The following NEGR1 variants were observed in gnomAD, a reference collection of about 807,000 sequenced individuals.
NEGR1 encodes IgLON family member 4.
Under a neutral mutation model 40.9 loss-of-function variants are expected in NEGR1, and 10 were observed. That is an observed-to-expected ratio of 0.24 (90% CI 0.15 to 0.42). NEGR1 has a LOEUF of 0.42. NEGR1 is among the 10% of genes least tolerant of loss of function. The pLI, the probability that NEGR1 is intolerant of heterozygous loss-of-function variation, is 1.00. For synonymous variants in NEGR1, 185 were observed against 166.8 expected (o/e 1.11, Z -0.84); for missense variants, 352 against 438.9 (o/e 0.80, Z 1.77).
chr1:72,198,509 T>C (rs916750945), intron 1 of NEGR1, among the ~76,000 whole-genome samples: 1 of 152,068 alleles, frequency 6.6e-6, no homozygotes, highest in Admixed American at 6.6e-5. Context: ...AAAATTTCTA[T>C]GTTATTTTAA....
At chr1:71,717,825 A>G (rs1297557784) in intron 3 of NEGR1, among the ~76,000 whole-genome samples, 1 of 152,120 alleles carries the variant, frequency 6.6e-6, no homozygotes, top group Non-Finnish European at 1.5e-5. Context: ...GTATCCTTAT[A>G]AAAAAAGGAA....
rs539814536 is a variant in NEGR1, at chr1:72,269,435, T to C, written c.176+12884A>G. 3.4e-3 allele frequency among the ~76,000 whole-genome samples: 518 copies of C among 151,738 alleles called. 4 individuals are homozygous for C. Among genetic ancestry groups the C allele is most frequent in the African/African-American group, 0.012 (499 of 41,472 alleles). The stretch of plus-strand genomic sequence containing the variant: ...AGGAACTACTGATTTTCATTTCTTT[T>C]AAGGACTAGAGTGCACAAAAAAGCT... On this transcript the variant is annotated intron_variant, in intron 1 of 6. Coordinates refer to ENST00000357731, the MANE Select transcript of NEGR1 (RefSeq NM_173808.3).
Position 72,034,924 on chromosome 1 carries a change from A to G in NEGR1, c.177-99613T>C, listed in dbSNP as rs150447623. On this transcript the variant is annotated intron_variant, in intron 1 of 6. Coordinates refer to ENST00000357731, the MANE Select transcript of NEGR1 (RefSeq NM_173808.3). ...TTTATATGTAAATGCCAGCAGCTGT[A>G]CCTGGAAGCCAGGTACATTCAATAT... Among the ~76,000 whole-genome samples, 5 of 152,206 alleles carry G rather than the reference A, an allele frequency of 3.3e-5. No individual in the cohort carries two copies. In the East Asian group the frequency reaches 9.7e-4, roughly 30 times the overall value.
intron 6 of NEGR1, among the ~76,000 whole-genome samples, chr1:71,569,645 G>A (rs1648747393): frequency 6.6e-6 from 1 of 152,144 alleles, no homozygotes; most frequent in Admixed American, 6.5e-5. Flanking sequence ...GGTTACACAT[G>A]GTTCTTGCCC....
intron 6 of NEGR1, among the ~76,000 whole-genome samples, chr1:71,553,053 T>C (rs1648137959): frequency 6.7e-6 from 1 of 150,072 alleles, no homozygotes; most frequent in Non-Finnish European, 1.5e-5. Context: ...TGTAAAAATG[T>C]TAAAAAAAAC....
At chr1:71,840,211 C>G (rs1278742251) in intron 2 of NEGR1, among the ~76,000 whole-genome samples, 1 of 152,068 alleles carries the variant, frequency 6.6e-6, no homozygotes, top group East Asian at 1.9e-4. Context: ...TCAAAAACAT[C>G]TGTAGGATTA....
chr1:72,054,027 G>T (rs112886395), intron 1 of NEGR1, among the ~76,000 whole-genome samples: 60 of 151,266 alleles, frequency 4.0e-4, no homozygotes, highest in African/African-American at 1.4e-3. Flanking sequence ...GAGACGATAG[G>T]ATCTAAACCT....
At chr1:71,454,261 A>G (rs967684525) in intron 6 of NEGR1, among the ~76,000 whole-genome samples, 1 of 151,656 alleles carries the variant, frequency 6.6e-6, no homozygotes, top group African/African-American at 2.4e-5. Context: ...ACTAGAGTGG[A>G]TTTTCTGCTT....
intron 3 of NEGR1, among the ~76,000 whole-genome samples, chr1:71,705,165 T>C (rs1653844640): frequency 6.6e-6 from 1 of 152,142 alleles, no homozygotes; most frequent in African/African-American, 2.4e-5. Context: ...AATGATGAAA[T>C]GATGTTTTCT....
At chr1:71,852,357 G>T (rs1659632731) in intron 2 of NEGR1, among the ~76,000 whole-genome samples, 1 of 151,974 alleles carries the variant, frequency 6.6e-6, no homozygotes, top group Non-Finnish European at 1.5e-5. Context: ...ATTTTGTTTG[G>T]CCACACAGTG....
intron 1 of NEGR1, among the ~76,000 whole-genome samples, chr1:72,042,142 G>T (rs1569866628): frequency 6.6e-6 from 1 of 151,502 alleles, no homozygotes; most frequent in Non-Finnish European, 1.5e-5. Flanking sequence ...TTCAGCCAGA[G>T]AAAGAAAGAA....
chr1:71,508,622 G>C (rs1458237754), intron 6 of NEGR1, among the ~76,000 whole-genome samples: 1 of 152,122 alleles, frequency 6.6e-6, no homozygotes, highest in Non-Finnish European at 1.5e-5. Flanking sequence ...GATAGCTCTG[G>C]CAGGCAGATA....
intron 2 of NEGR1, among the ~76,000 whole-genome samples, chr1:71,914,382 C>T (rs938651477): frequency 6.6e-6 from 1 of 152,184 alleles, no homozygotes; most frequent in African/African-American, 2.4e-5. Flanking sequence ...TCCCACATTT[C>T]ACAGAAGAGC....
At chr1:71,458,384 C>T (rs1646689950) in intron 6 of NEGR1, among the ~76,000 whole-genome samples, 1 of 152,198 alleles carries the variant, frequency 6.6e-6, no homozygotes, top group Non-Finnish European at 1.5e-5. Context: ...AAACTCACAT[C>T]ACTTGTAGGC....
chr1:72,240,055 A>G (rs966162947), intron 1 of NEGR1, among the ~76,000 whole-genome samples: 1 of 151,914 alleles, frequency 6.6e-6, no homozygotes, highest in African/African-American at 2.4e-5. Flanking sequence ...TTCACCTTGA[A>G]AAGAGCCCCT....
intron 1 of NEGR1, among the ~76,000 whole-genome samples, chr1:72,154,252 C>A (rs1404566330): frequency 6.6e-6 from 1 of 151,690 alleles, no homozygotes; most frequent in Admixed American, 6.6e-5. Context: ...AGGTGAAGTT[C>A]CTGAGATGTC....
At chr1:72,142,103 A>G (rs2100336894) in intron 1 of NEGR1, among the ~76,000 whole-genome samples, 1 of 152,056 alleles carries the variant, frequency 6.6e-6, no homozygotes, top group Middle Eastern at 3.4e-3. Flanking sequence ...CAGACTGCAG[A>G]AGCTGGAGAA....
At chr1:71,987,722 A>T (rs1224499514) in intron 1 of NEGR1, among the ~76,000 whole-genome samples, 1 of 152,166 alleles carries the variant, frequency 6.6e-6, no homozygotes, top group Non-Finnish European at 1.5e-5. Flanking sequence ...GGAAAATTAC[A>T]TTCATTTCTG....
intron 2 of NEGR1, among the ~76,000 whole-genome samples, chr1:71,827,103 T>C (rs750639529): frequency 2.0e-5 from 3 of 151,764 alleles, no homozygotes; most frequent in Non-Finnish European, 4.4e-5. Flanking sequence ...ATGAGACTTG[T>C]GATGAAATCC....
Sources: allele counts gnomAD v4.1 joint callset (sites outside exome capture counted in the v4.1 genomes callset), GRCh38; gene constraint gnomAD v4.1.1; transcripts MANE v1.5; gene names NCBI Gene and HGNC (gene_info 2026-07-23, HGNC 2026-07-21).